Variants in CNTROB observed in about 807,000 individuals in gnomAD.
CNTROB encodes the protein centrobin, centriole duplication and spindle assembly protein, also known as centrobin.
A neutral mutation model predicts 115.7 loss-of-function variants in CNTROB; 82 were observed. The ratio of observed to expected loss-of-function variants is 0.71; its 90% CI spans 0.59 to 0.85. The LOEUF (loss-of-function observed/expected upper bound fraction) is 0.85. CNTROB is among the 40% of genes least tolerant of loss of function. CNTROB has a pLI of 0.00. For synonymous variants in CNTROB, 439 were observed against 456.4 expected (o/e 0.96, Z 0.49); for missense variants, 1,014 against 1,144.4 (o/e 0.89, Z 1.64).
chr17:7,945,500 T>C, intron 12 of CNTROB: 1 of 520,368 alleles, frequency 1.9e-6, no homozygotes, highest in South Asian at 2.6e-5. Flanking sequence ...TACACACACG[T>C]GCCATTGCCC....
At chr17:7,941,291 G>T (rs1034297084) in intron 9 of CNTROB, among the ~76,000 whole-genome samples, 1 of 152,096 alleles carries the variant, frequency 6.6e-6, no homozygotes, top group Admixed American at 6.6e-5. Flanking sequence ...TACCAGTGAG[G>T]CCAGCATTTG....
chr17:7,945,489 C>G (rs1974422250), intron 12 of CNTROB: 2 of 486,762 alleles, frequency 4.1e-6, no homozygotes, highest in Non-Finnish European at 7.3e-6. Context: ...GTAGCTGGGA[C>G]TACACACACG....
upstream of CNTROB, chr17:7,932,140 TGA>T (rs991337560): frequency 4.2e-5 from 17 of 401,736 alleles, no homozygotes; most frequent in African/African-American, 3.3e-4. Context: ...AGAAGTGATG[TGA>T]GTGTCTGCGA....
rs558671235 is a variant in CNTROB at position 7,937,417 on chromosome 17, T to G, written c.927+155T>G. On this transcript the variant is annotated intron_variant, in intron 7 of 18. Coordinates refer to ENST00000563694, the MANE Select transcript of CNTROB (RefSeq NM_053051.5). The stretch of plus-strand genomic sequence containing the variant: ...CTTAGAACACTAATTCAGCTAGATA[T>G]TCTATTAAAAAAAAAGGCTCTGCTA... 5.5e-3 allele frequency among the ~76,000 whole-genome samples: 843 copies of G among 152,244 alleles called. 3 individuals are homozygous for G. Among genetic ancestry groups the G allele is most frequent in the Non-Finnish European group, 9.8e-3 (667 of 68,004 alleles).
chr17:7,941,947 G>A (rs568886128), intron 9 of CNTROB, among the ~76,000 whole-genome samples: 1 of 132,758 alleles, frequency 7.5e-6, no homozygotes, highest in African/African-American at 2.9e-5. Context: ...TGGGTGACAG[G>A]AGCGAGACCG....
rs1972665775 is a variant in CNTROB at position 7,932,823 on chromosome 17, C to A, written c.-257C>A. On this transcript the variant is annotated 5_prime_UTR_variant, in exon 1 of 19. Transcript: ENST00000563694. ...ACAGTAGGTCTTCTGTCCGCACCCG[C>A]TCTGCGCTGCACCCTCTTAACGCTG... 4.1e-6 allele frequency: 2 copies of A among 490,334 alleles called. No individual in the cohort carries two copies. Among genetic ancestry groups the A allele is most frequent in the Non-Finnish European group, 3.6e-6 (1 of 277,214 alleles). 30.4% of individuals were successfully genotyped at this position (490,334 alleles called of 1,614,324 possible).
intron 2 of CNTROB, 94 bp from the exon 3 acceptor site, chr17:7,934,371 G>T (rs544008006): frequency 2.2e-6 from 3 of 1,344,650 alleles, no homozygotes; most frequent in Non-Finnish European, 3.2e-6. Flanking sequence ...GTGAAGGAGT[G>T]AGGGAACTGG....
Position 7,936,367 on chromosome 17 carries a change from A to G in CNTROB, c.596A>G (p.His199Arg), listed in dbSNP as rs1189039593. Residue 199 changes from histidine to arginine, a missense_variant and splice_region_variant, in exon 5 of 19, where the codon CAT becomes CGT. By Grantham distance (29) the His-to-Arg change is conservative (BLOSUM62 0). Coordinates refer to ENST00000563694, the MANE Select transcript of CNTROB (RefSeq NM_053051.5). Reference protein sequence around the residue: ...ALDSEHTRRKHCERHIQSLQT... With the variant: ...ALDSEHTRRKRCERHIQSLQT... ...CAGACTCCTCACCCTTTTCCCCAGCATTGTGAGCGCCATATTCAGAGCCTG... is the reference window on the plus strand; with the variant it reads ...CAGACTCCTCACCCTTTTCCCCAGCGTTGTGAGCGCCATATTCAGAGCCTG... 7.5e-7 allele frequency: 1 copy of G among 1,331,716 alleles called. No homozygotes were observed. Among genetic ancestry groups the G allele is most frequent in the South Asian group, 1.2e-5 (1 of 85,370 alleles). 82.5% of individuals were successfully genotyped at this position (1,331,716 alleles called of 1,614,324 possible).
intron 6 of CNTROB, 28 bp downstream of exon 6, chr17:7,936,845 G>GA (rs1337723439): frequency 7.7e-6 from 7 of 905,288 alleles, no homozygotes; most frequent in Non-Finnish European, 1.1e-5. Context: ...TATGGCATTA[G>GA]AACCTGAGTC....
In CNTROB at chr17:7,939,817, TG is replaced by T. The variant is rs1276975790; in HGVS notation, c.1164+70del. The T allele has an allele frequency of 7.0e-7, 1 of 1,420,812 alleles. No individual in the cohort carries two copies. Among genetic ancestry groups the T allele is most frequent in the Non-Finnish European group, 9.9e-7 (1 of 1,008,862 alleles). 88.0% of individuals were successfully genotyped at this position (1,420,812 alleles called of 1,614,324 possible). A position where few individuals can be genotyped will look rare whatever the true frequency, so the allele number is the denominator to read the frequency against. ...TGAAGGGCAAAATAATTGAATGGGA[TG>T]GAATGTTAGAATATGGGGGATACAT... On this transcript the variant is annotated intron_variant, in intron 8 of 18. Coordinates refer to ENST00000563694, the MANE Select transcript of CNTROB (RefSeq NM_053051.5). This position sits in a 1 kb window ranked among gnomAD's most constrained non-coding sequence, Gnocchi z 4.4.
rs1974694157 is a variant in CNTROB, at chr17:7,947,578, C to G, written c.2001C>G (p.Ala667=). ...KPDLTSSTAG[A]FSALGAFHPD... is the part of the protein sequence containing the mutation. ...ACCTGTTTCACTTTATAGCTGGGGC[C>G]TTCTCTGCACTTGGGGCCTTCCATC... Residue 667 remains alanine (A), a synonymous_variant, in exon 14 of 19, where the codon GCC becomes GCG. Transcript: ENST00000563694. 3 of 1,604,066 alleles carry G rather than the reference C, an allele frequency of 1.9e-6. No homozygotes were observed. Among genetic ancestry groups the G allele is most frequent in the South Asian group, 1.1e-5 (1 of 90,558 alleles).
At chr17:7,941,321 C>T (rs117830859) in intron 9 of CNTROB, among the ~76,000 whole-genome samples, 2,803 of 152,216 alleles carry the variant, frequency 0.018, 34 homozygotes, top group Middle Eastern at 0.068. Flanking sequence ...ATCCTTTGGC[C>T]CGGTATGGTG....
At position 7,933,280 on chromosome 17, in the gene CNTROB, G is replaced by GT; in HGVS notation, c.203dup (p.Leu68PhefsTer27). 1 of 1,614,244 alleles carries GT rather than the reference G, an allele frequency of 6.2e-7. No homozygotes were observed. The highest frequency in any genetic ancestry group is 8.5e-7 in the Non-Finnish European group (1 of 1,180,050). ...CCTCCACCTCCCCGCCTCATGAAGG[G>GT]TTAGACGGCTTCGCCCAAGAATTGA... On this transcript the variant is annotated frameshift_variant, in exon 1 of 19. Transcript: ENST00000563694. LOFTEE classifies it high-confidence loss of function.
rs371644389 is a variant in CNTROB, at chr17:7,936,428, C to T, written c.657C>T (p.Ala219=). The part of the protein sequence containing the change: ...TRVLELQQQL[A]VAVAADRKKD... ...TGTTAGAGCTACAGCAACAATTAGC[C>T]GTGGCTGTGGCTGCCGACCGCAAGA... Residue 219 remains alanine (A), a synonymous_variant, in exon 5 of 19, where the codon GCC becomes GCT. Transcript: ENST00000563694. The T allele has an allele frequency of 3.3e-5, 52 of 1,576,186 alleles. No individual in the cohort carries two copies. Among genetic ancestry groups the T allele is most frequent in the Middle Eastern group, 1.7e-4 (1 of 6,016 alleles).
In CNTROB at chr17:7,946,002, A is replaced by G. The variant is rs1489699225; in HGVS notation, c.1993+16A>G. 6.2e-7 allele frequency: 1 copy of G among 1,612,096 alleles called. No homozygotes were observed. Among genetic ancestry groups the G allele is most frequent in the Non-Finnish European group, 8.5e-7 (1 of 1,178,466 alleles). ...TCATCCACAGGTAACTGGGGGCAGA[A>G]GTCACTGGGGTTCCCCTTCTGTGCA... On this transcript the variant is annotated intron_variant, in intron 13 of 18. Transcript: ENST00000563694.
At chr17:7,936,335 C>T (rs767266153) in intron 4 of CNTROB, 31 bp from the exon 5 acceptor site, 16 of 903,930 alleles carry the variant, frequency 1.8e-5, no homozygotes, top group Middle Eastern at 4.4e-4. Flanking sequence ...CAAAGATGGG[C>T]AACACCCAGA....
At chr17:7,945,259 A>G (rs185662349) in intron 12 of CNTROB, 5 of 152,316 alleles carry the variant, frequency 3.3e-5, no homozygotes, top group East Asian at 1.9e-4. Flanking sequence ...AATCTCAGCT[A>G]TATGGGAGGC....
chr17:7,948,685 G>A lies in CNTROB; in HGVS notation c.2513+66G>A. 2 of 1,613,908 alleles carry A rather than the reference G, an allele frequency of 1.2e-6. No homozygotes were observed. Among genetic ancestry groups the A allele is most frequent in the South Asian group, 2.2e-5 (2 of 91,062 alleles). On this transcript the variant is annotated intron_variant, in intron 17 of 18. Transcript: ENST00000563694. This position sits in a 1 kb window ranked among gnomAD's most constrained non-coding sequence, Gnocchi z 4.4. ...AAGCTGGATTATGGGGAGTGGAGTGGGTGTGTTTTACACTGAATTGAATCG... is the reference window on the plus strand; with the variant it reads ...AAGCTGGATTATGGGGAGTGGAGTGAGTGTGTTTTACACTGAATTGAATCG...
intron 9 of CNTROB, among the ~76,000 whole-genome samples, chr17:7,941,943 A>G (rs993384703): frequency 1.4e-5 from 2 of 143,800 alleles, no homozygotes; most frequent in Non-Finnish European, 3.0e-5. Context: ...AGCCTGGGTG[A>G]CAGGAGCGAG....
Sources: allele counts gnomAD v4.1 joint callset (sites outside exome capture counted in the v4.1 genomes callset), GRCh38; gene constraint gnomAD v4.1.1; non-coding constraint Gnocchi (gnomAD v3.1); transcripts MANE v1.5; gene names NCBI Gene and HGNC (gene_info 2026-07-23, HGNC 2026-07-21).